The following APIP variants were observed in gnomAD, a reference collection of about 807,000 sequenced individuals.
APIP encodes APAF1 interacting protein.
APIP carries 32 observed loss-of-function variants against 32.0 expected under a neutral mutation model. The ratio of observed to expected loss-of-function variants is 1.00; its 90% CI spans 0.76 to 1.34. APIP has a LOEUF of 1.34. Among genes scored for constraint, APIP ranks in the 40% most tolerant of loss-of-function variants. The pLI, the probability that APIP is intolerant of heterozygous loss-of-function variation, is 0.00. For missense variants in APIP, 247 were observed against 298.6 expected, an observed-to-expected ratio of 0.83 and a Z score of 1.27; for synonymous variants, 92 against 94.8, an observed-to-expected ratio of 0.97 and a Z score of 0.17.
In APIP at chr11:34,915,286, T is replaced by C. The variant is rs2133928981; in HGVS notation, c.57+942A>G. Among the ~76,000 whole-genome samples, 4 of 152,348 alleles carry C rather than the reference T, an allele frequency of 2.6e-5. No individual in the cohort carries two copies. The East Asian group carries it at 7.7e-4, about 29-fold the overall frequency. ...AAGATCTTCTCTCTCTCATCCAATC[T>C]TGCCTATGCAGCATTCTATTTTCAG... On this transcript the variant is annotated intron_variant, in intron 1 of 6. Transcript: ENST00000395787.
At chr11:34,897,929 C>T (rs1279894845) in intron 1 of APIP, among the ~76,000 whole-genome samples, 1 of 152,098 alleles carries the variant, frequency 6.6e-6, no homozygotes, top group Non-Finnish European at 1.5e-5. Flanking sequence ...CGACTGTTTT[C>T]CCGCTCCACT....
At chr11:34,897,817 G>A (rs1319754962) in intron 1 of APIP, among the ~76,000 whole-genome samples, 2 of 152,038 alleles carry the variant, frequency 1.3e-5, no homozygotes, top group South Asian at 4.1e-4. Flanking sequence ...GGGTGGGAAG[G>A]CTAGTTTTTT....
At chr11:34,914,813 G>A (rs1417693207) in intron 1 of APIP, among the ~76,000 whole-genome samples, 1 of 151,994 alleles carries the variant, frequency 6.6e-6, no homozygotes, top group Non-Finnish European at 1.5e-5. Context: ...AGACCAGCCT[G>A]GCCAACATGG....
intron 1 of APIP, among the ~76,000 whole-genome samples, chr11:34,913,577 A>G (rs2956115): frequency 0.6 from 90,505 of 152,016 alleles, 28,160 homozygotes; most frequent in East Asian, 0.74. Flanking sequence ...AGACCTTCGC[A>G]GGGAGTGTTA....
intron 1 of APIP, 36 bp from the exon 2 acceptor site, chr11:34,895,146 C>A (rs768096884): frequency 1.3e-6 from 2 of 1,557,240 alleles, no homozygotes; most frequent in Admixed American, 1.7e-5. Context: ...AAACAGACAT[C>A]ATTTTATCAA....
chr11:34,898,724 T>C (rs1278876289), intron 1 of APIP, among the ~76,000 whole-genome samples: 2 of 149,172 alleles, frequency 1.3e-5, no homozygotes, highest in Admixed American at 6.7e-5. Flanking sequence ...GTCTGGAGAG[T>C]GCATGGCATT....
intron 1 of APIP, chr11:34,896,627 T>C (rs1476160177): frequency 4.9e-6 from 2 of 411,292 alleles, no homozygotes; most frequent in African/African-American, 2.1e-5. Context: ...ACATAGATGA[T>C]GAGTTGAGGG....
chr11:34,890,567 C>T lies in APIP; in HGVS notation c.159-15G>A, dbSNP rs1039983669. 6.2e-7 allele frequency: 1 copy of T among 1,608,680 alleles called. No individual in the cohort carries two copies. The highest frequency in any genetic ancestry group is 8.5e-7 in the Non-Finnish European group (1 of 1,177,208). On this transcript the variant is annotated splice_polypyrimidine_tract_variant and intron_variant, in intron 2 of 6. Transcript: ENST00000395787. ...AGATTTCATCGCTGGCAACACAAAA[C>T]ATACAAATTGGTATTTATTTATTTC...
At chr11:34,884,093 G>C (rs1853017074) in intron 5 of APIP, among the ~76,000 whole-genome samples, 2 of 152,092 alleles carry the variant, frequency 1.3e-5, no homozygotes, top group South Asian at 4.1e-4. Flanking sequence ...TACTTCCACT[G>C]TCCTCTCAGG....
chr11:34,909,689 T>C (rs1853514596), intron 1 of APIP, among the ~76,000 whole-genome samples: 1 of 152,074 alleles, frequency 6.6e-6, no homozygotes, highest in South Asian at 2.1e-4. Context: ...TGGCGGAAGA[T>C]AAATTTGTAG....
intron 1 of APIP, among the ~76,000 whole-genome samples, chr11:34,897,739 T>C (rs1249192852): frequency 6.6e-6 from 1 of 152,094 alleles, no homozygotes; most frequent in Non-Finnish European, 1.5e-5. Context: ...TCAAGCATCA[T>C]GGCCACCCCA....
At chr11:34,891,485 A>G (rs566935488) in intron 2 of APIP, among the ~76,000 whole-genome samples, 1 of 152,174 alleles carries the variant, frequency 6.6e-6, no homozygotes, top group Non-Finnish European at 1.5e-5. Context: ...AGTTTCTGCT[A>G]GTAAGGCACA....
In APIP at chr11:34,914,718, G is replaced by C. The variant is rs141691133; in HGVS notation, c.57+1510C>G. Among the ~76,000 whole-genome samples the C allele has an allele frequency of 3.3e-5, 5 of 152,216 alleles. No individual in the cohort carries two copies. The East Asian group carries it at 9.7e-4, about 29-fold the overall frequency. On this transcript the variant is annotated intron_variant, in intron 1 of 6. Coordinates refer to ENST00000395787, the MANE Select transcript of APIP (RefSeq NM_015957.4). Reference sequence around the variant, plus strand: ...AATGATTCTGGATTTTGAAATGTTGGCTTGGCAGGGCGTGGTGGCTTACAC... The same window carrying C: ...AATGATTCTGGATTTTGAAATGTTGCCTTGGCAGGGCGTGGTGGCTTACAC...
At chr11:34,893,700 C>G (rs1040658684) in intron 2 of APIP, among the ~76,000 whole-genome samples, 22 of 152,182 alleles carry the variant, frequency 1.4e-4, no homozygotes, top group Non-Finnish European at 3.2e-4. Flanking sequence ...CAGTTGTTAA[C>G]AGAGGAACCT....
At chr11:34,903,197 T>C (rs1247644513) in intron 1 of APIP, among the ~76,000 whole-genome samples, 2 of 152,242 alleles carry the variant, frequency 1.3e-5, no homozygotes, top group African/African-American at 4.8e-5. Context: ...TGCATGATTA[T>C]GAACAAGTCA....
chr11:34,895,035 C>T lies in APIP; in HGVS notation c.133G>A (p.Gly45Arg). Residue 45 changes from glycine to arginine, a missense_variant, in exon 2 of 7, where the codon GGA becomes AGA. Gly to Arg is a moderately radical substitution (Grantham distance 125). Coordinates refer to ENST00000395787, the MANE Select transcript of APIP (RefSeq NM_015957.4). ...CCATGCTTCAAGCTAATTCCTCCTC[C>T]AGTCCCAGTGACCCAGCCTAAATGG... ...FYHLGWVTGTGGGISLKHGDE... is the reference protein window; with the variant it reads ...FYHLGWVTGTRGGISLKHGDE... 1 of 1,614,122 alleles carries T rather than the reference C, an allele frequency of 6.2e-7. No homozygotes were observed. Among genetic ancestry groups the T allele is most frequent in the Non-Finnish European group, 8.5e-7 (1 of 1,179,978 alleles).
intron 1 of APIP, among the ~76,000 whole-genome samples, chr11:34,900,302 G>C (rs187120100): frequency 6.6e-6 from 1 of 152,262 alleles, no homozygotes; most frequent in East Asian, 1.9e-4. Context: ...GACAGCTATT[G>C]AATGTCCCAA....
chr11:34,883,777 A>G (rs1447302035), intron 5 of APIP, among the ~76,000 whole-genome samples: 1 of 152,234 alleles, frequency 6.6e-6, no homozygotes, highest in Non-Finnish European at 1.5e-5. Flanking sequence ...AGAAATCATC[A>G]AGATCATATA....
At chr11:34,905,724 TC>T (rs1853438993) in intron 1 of APIP, among the ~76,000 whole-genome samples, 1 of 152,162 alleles carries the variant, frequency 6.6e-6, no homozygotes. Flanking sequence ...AGCCTCTCAT[TC>T]TGGTTGGAAG....
Sources: gnomAD v4.1 joint callset for allele counts (sites outside exome capture counted in the v4.1 genomes callset) on GRCh38, gnomAD v4.1.1 for gene constraint, MANE v1.5 for transcripts, NCBI Gene and HGNC (gene_info 2026-07-23, HGNC 2026-07-21) for gene names.